The following PTPRD variants were observed in gnomAD, a reference collection of about 807,000 sequenced individuals.
PTPRD encodes the protein protein tyrosine phosphatase receptor type D, also known as receptor-type tyrosine-protein phosphatase delta.
Under a neutral mutation model 214.5 loss-of-function variants are expected in PTPRD, and 34 were observed. That is an observed-to-expected ratio of 0.16 (90% CI 0.12 to 0.21). The LOEUF (loss-of-function observed/expected upper bound fraction) is 0.21. PTPRD is among the 10% of genes least tolerant of loss of function. The pLI is 1.00. For missense variants in PTPRD, 2,545 were observed against 2,398.7 expected (o/e 1.06, Z -1.27); for synonymous variants, 1,128 against 845.7 (o/e 1.33, Z -5.79).
intron 3 of PTPRD, among the ~76,000 whole-genome samples, chr9:10,265,272 A>G (rs1213434612): frequency 6.6e-6 from 1 of 152,134 alleles, no homozygotes; most frequent in Non-Finnish European, 1.5e-5. Context: ...CTATTTGAAT[A>G]AGTCTGGGCT....
At chr9:9,916,163 G>A (rs530305232) in intron 5 of PTPRD, among the ~76,000 whole-genome samples, 32 of 151,124 alleles carry the variant, frequency 2.1e-4, no homozygotes, top group Middle Eastern at 3.4e-3. Context: ...CGAATGAAAT[G>A]TTTCTCAGAC....
chr9:9,108,803 A>G (rs953474039), intron 10 of PTPRD, among the ~76,000 whole-genome samples: 4 of 152,188 alleles, frequency 2.6e-5, no homozygotes, highest in Non-Finnish European at 5.9e-5. Context: ...AGCACTGTGT[A>G]ACTGCTGAGG....
chr9:8,507,683 C>T (rs565058943), intron 21 of PTPRD, among the ~76,000 whole-genome samples: 12 of 152,188 alleles, frequency 7.9e-5, no homozygotes, highest in Admixed American at 6.5e-4. Context: ...TAAAGTATAT[C>T]GGCCTCTGAA....
intron 3 of PTPRD, among the ~76,000 whole-genome samples, chr9:10,190,386 G>GAAAAAAAAAAAAA (rs66511711): frequency 2.0e-5 from 1 of 50,156 alleles, no homozygotes. Context: ...TCTATCTCCA[G>GAAAAAAAAAAAAA]AAAAAAAAAA....
intron 2 of PTPRD, among the ~76,000 whole-genome samples, chr9:10,595,026 CTATT>C (rs1454742852): frequency 7.8e-6 from 1 of 128,984 alleles, no homozygotes; most frequent in Non-Finnish European, 1.7e-5. Flanking sequence ...ATTCAAATAA[CTATT>C]TATAGGCGAT....
chr9:10,586,535 G>C (rs190279233), intron 2 of PTPRD, among the ~76,000 whole-genome samples: 1 of 152,020 alleles, frequency 6.6e-6, no homozygotes, highest in Non-Finnish European at 1.5e-5. Flanking sequence ...TAAATCTACC[G>C]CAGTTAGTCA....
chr9:10,057,848 AAAC>A (rs2097686374), intron 3 of PTPRD, among the ~76,000 whole-genome samples: 1 of 115,440 alleles, frequency 8.7e-6, no homozygotes, highest in South Asian at 2.4e-4. Context: ...TCTCAAAAAA[AAAC>A]AAAAAAAAAA....
At chr9:8,715,968 G>A (rs767938821) in intron 12 of PTPRD, among the ~76,000 whole-genome samples, 6 of 152,202 alleles carry the variant, frequency 3.9e-5, no homozygotes, top group Non-Finnish European at 5.9e-5. Flanking sequence ...TGGAGCACTG[G>A]CCCTTGAAAT....
At chr9:10,255,431 A>C (rs915611428) in intron 3 of PTPRD, among the ~76,000 whole-genome samples, 1 of 152,176 alleles carries the variant, frequency 6.6e-6, no homozygotes, top group Non-Finnish European at 1.5e-5. Context: ...TAAACACAGA[A>C]AAGGTACAAT....
At chr9:10,110,158 A>G (rs949400632) in intron 3 of PTPRD, among the ~76,000 whole-genome samples, 19 of 152,314 alleles carry the variant, frequency 1.2e-4, no homozygotes, top group African/African-American at 4.3e-4. Flanking sequence ...TTATTGACAC[A>G]AAGTTGAAAA....
At chr9:9,327,380 G>T (rs2040392585) in intron 9 of PTPRD, among the ~76,000 whole-genome samples, 1 of 152,062 alleles carries the variant, frequency 6.6e-6, no homozygotes, top group Admixed American at 6.6e-5. Context: ...AATGGAAACA[G>T]TTATTTGACC....
chr9:10,398,306 C>T (rs1184553716), intron 2 of PTPRD, among the ~76,000 whole-genome samples: 2 of 151,600 alleles, frequency 1.3e-5, no homozygotes, highest in Non-Finnish European at 1.5e-5. Flanking sequence ...GCTTGAGTCC[C>T]GAAGTTCGAG....
At chr9:9,400,217 G>A (rs1282619856) in intron 8 of PTPRD, among the ~76,000 whole-genome samples, 1 of 151,350 alleles carries the variant, frequency 6.6e-6, no homozygotes, top group African/African-American at 2.4e-5. Context: ...AGGTAACATA[G>A]TTGGGTAAGG....
chr9:8,689,568 C>T (rs936645778), intron 12 of PTPRD, among the ~76,000 whole-genome samples: 3 of 152,046 alleles, frequency 2.0e-5, no homozygotes, highest in East Asian at 1.9e-4. Flanking sequence ...CGTCAGATCT[C>T]GTAATACGTA....
intron 2 of PTPRD, among the ~76,000 whole-genome samples, chr9:10,472,082 G>T (rs1254015304): frequency 6.6e-6 from 1 of 152,024 alleles, no homozygotes; most frequent in Non-Finnish European, 1.5e-5. Flanking sequence ...ATAAGGGCAA[G>T]TAAGAACAAG....
chr9:10,374,845 T>A (rs2097696915), intron 2 of PTPRD, among the ~76,000 whole-genome samples: 1 of 152,070 alleles, frequency 6.6e-6, no homozygotes, highest in South Asian at 2.1e-4. Flanking sequence ...ACTGATGTAA[T>A]TTGTGACCTC....
Position 8,403,163 on chromosome 9 carries a change from G to T in PTPRD, c.4210+1374C>A, listed in dbSNP as rs535093169. ...TTTCAAATAAATTTTGGACGTTGAG[G>T]AAGCAGGTAGGAGATGTGGTCAGAG... On this transcript the variant is annotated intron_variant, in intron 36 of 45. Coordinates refer to ENST00000381196, the MANE Select transcript of PTPRD (RefSeq NM_002839.4). 3.9e-5 allele frequency among the ~76,000 whole-genome samples: 6 copies of T among 152,298 alleles called. No homozygotes were observed. The East Asian group carries it at 9.7e-4, about 25-fold the overall frequency.
intron 9 of PTPRD, among the ~76,000 whole-genome samples, chr9:9,260,111 T>C (rs1222159095): frequency 6.6e-6 from 1 of 151,898 alleles, no homozygotes; most frequent in African/African-American, 2.4e-5. Context: ...AAATATATTT[T>C]CTATAAATGC....
At chr9:9,289,377 A>G (rs181067837) in intron 9 of PTPRD, among the ~76,000 whole-genome samples, 12 of 152,004 alleles carry the variant, frequency 7.9e-5, no homozygotes, top group African/African-American at 2.4e-4. Flanking sequence ...TCAAAATTAT[A>G]TGTATTCAAT....
Sources: gnomAD v4.1 joint callset for allele counts (sites outside exome capture counted in the v4.1 genomes callset) on GRCh38, gnomAD v4.1.1 for gene constraint, MANE v1.5 for transcripts, NCBI Gene and HGNC (gene_info 2026-07-23, HGNC 2026-07-21) for gene names.